FBXO47: variants seen among roughly 807,000 people sequenced by gnomAD.
The protein encoded by FBXO47 is F-box only protein 47.
Under a neutral mutation model 53.9 loss-of-function variants are expected in FBXO47, and 34 were observed. That is an observed-to-expected ratio of 0.63 (90% CI 0.48 to 0.84). The LOEUF is 0.84. FBXO47 is among the 40% of genes least tolerant of loss of function. FBXO47 has a pLI of 0.00. For missense variants in FBXO47, 485 were observed against 541.3 expected (o/e 0.90, Z 1.03); for synonymous variants, 165 against 181.6 (o/e 0.91, Z 0.73).
intron 3 of FBXO47, among the ~76,000 whole-genome samples, chr17:38,959,624 TTGTG>T (rs34354922): frequency 4.2e-4 from 53 of 126,226 alleles, no homozygotes; most frequent in South Asian, 1.9e-3. Flanking sequence ...CTTCAAAGCA[TTGTG>T]TGTGTGTGTG....
At chr17:38,951,751 C>G (rs988858349) in intron 5 of FBXO47, 62 bp from the exon 6 acceptor site, 1 of 1,299,424 alleles carries the variant, frequency 7.7e-7, no homozygotes, top group Non-Finnish European at 1.1e-6. Flanking sequence ...ATAAGTCACA[C>G]CAGGCATGGT....
At chr17:38,943,265 T>C (rs1904590404) in intron 8 of FBXO47, among the ~76,000 whole-genome samples, 1 of 152,136 alleles carries the variant, frequency 6.6e-6, no homozygotes, top group Non-Finnish European at 1.5e-5. Context: ...CACCTTTCCT[T>C]TACTCACAGA....
chr17:38,964,959 A>C (rs1388928234), intron 1 of FBXO47, among the ~76,000 whole-genome samples: 1 of 151,950 alleles, frequency 6.6e-6, no homozygotes, highest in East Asian at 1.9e-4. Flanking sequence ...CTGGGATTAC[A>C]GGCGTGTGCC....
chr17:38,965,012 G>A (rs946596952), intron 1 of FBXO47, among the ~76,000 whole-genome samples: 1 of 151,926 alleles, frequency 6.6e-6, no homozygotes, highest in Non-Finnish European at 1.5e-5. Flanking sequence ...ACCACACTCA[G>A]CTAATTTCTG....
rs1261415728 is a variant in FBXO47 at position 38,961,922 on chromosome 17, C to T, written c.307G>A (p.Asp103Asn). ...AGTATAGCAGAGTCTTGTCTCCTGT[C>T]AGGCAGCTCAAGGTTATGAAAGTCC... ...LQDFHNLELP[D>N]RRQDSAILEH... is the part of the protein sequence containing the mutation. The change falls in exon 3 of 11, where the codon GAC becomes AAC. Residue 103 changes from aspartate to asparagine, a missense_variant. Physicochemically the swap from Asp to Asn is conservative, Grantham distance 23. Coordinates refer to ENST00000378079, the MANE Select transcript of FBXO47 (RefSeq NM_001008777.3). 6.2e-7 allele frequency: 1 copy of T among 1,614,056 alleles called. No individual in the cohort carries two copies. The highest frequency in any genetic ancestry group is 1.6e-4 in the Middle Eastern group (1 of 6,062).
chr17:38,956,475 C>T (rs1279634533), intron 4 of FBXO47, among the ~76,000 whole-genome samples: 2 of 151,702 alleles, frequency 1.3e-5, no homozygotes, highest in African/African-American at 4.8e-5. Flanking sequence ...GTAATCCCAG[C>T]TACTCAGGAG....
chr17:38,952,927 T>TAA (rs1288666039), intron 5 of FBXO47, among the ~76,000 whole-genome samples: 2 of 151,028 alleles, frequency 1.3e-5, no homozygotes, highest in Admixed American at 1.3e-4. Context: ...GTGCTGGAAT[T>TAA]ACAGGTGTGA....
chr17:38,946,351 AAT>A (rs1491266439), intron 6 of FBXO47, among the ~76,000 whole-genome samples: 6 of 46,266 alleles, frequency 1.3e-4, no homozygotes, highest in African/African-American at 1.9e-4. Context: ...TAAATATATA[AAT>A]ATATATAAAT....
At chr17:38,958,565 G>A (rs528838009) in intron 3 of FBXO47, among the ~76,000 whole-genome samples, 14 of 151,578 alleles carry the variant, frequency 9.2e-5, no homozygotes, top group African/African-American at 2.7e-4. Flanking sequence ...AACTTTAAAC[G>A]TTCTATTTTC....
chr17:38,966,029 G>A (rs1369204252), intron 1 of FBXO47, among the ~76,000 whole-genome samples: 1 of 151,988 alleles, frequency 6.6e-6, no homozygotes, highest in Non-Finnish European at 1.5e-5. Flanking sequence ...AAAAAAGAGG[G>A]ATCACTATAT....
chr17:38,944,790 G>A (rs187949420), intron 7 of FBXO47, among the ~76,000 whole-genome samples, 170 bp downstream of exon 7: 2 of 151,320 alleles, frequency 1.3e-5, no homozygotes, highest in East Asian at 2.0e-4. Context: ...AGAATCGCTT[G>A]AACCCGGGAG....
At chr17:38,951,450 T>C (rs1167084937) in intron 6 of FBXO47, 131 bp downstream of exon 6, 2 of 614,104 alleles carry the variant, frequency 3.3e-6, no homozygotes, top group Non-Finnish European at 5.4e-6. Context: ...CACCTTGGCT[T>C]CCCAAAGTGC....
intron 9 of FBXO47, 151 bp from the exon 10 acceptor site, chr17:38,938,883 TTCTA>T: frequency 3.5e-6 from 2 of 565,324 alleles, no homozygotes; most frequent in Admixed American, 3.1e-5. Flanking sequence ...GGAAATGCTC[TTCTA>T]TCTAATACTA....
At chr17:38,964,694 CAATAAT>C (rs374278294) in intron 1 of FBXO47, among the ~76,000 whole-genome samples, 3 of 151,742 alleles carry the variant, frequency 2.0e-5, no homozygotes, top group African/African-American at 4.9e-5. Flanking sequence ...CAAAAAATAA[CAATAAT>C]AATAATAGTC....
At chr17:38,960,880 C>T (rs1905785237) in intron 3 of FBXO47, among the ~76,000 whole-genome samples, 1 of 152,086 alleles carries the variant, frequency 6.6e-6, no homozygotes, top group Non-Finnish European at 1.5e-5. Context: ...GATCTGCCTG[C>T]CTCGGCCTCT....
At chr17:38,955,051 T>G (rs1247389618) in intron 4 of FBXO47, 118 bp from the exon 5 acceptor site, 17 of 722,478 alleles carry the variant, frequency 2.4e-5, no homozygotes. Flanking sequence ...TCAGCACCTA[T>G]TCTGATCAAC....
chr17:38,967,168 T>G (rs993841372), intron 1 of FBXO47, 61 bp downstream of exon 1: 9 of 152,070 alleles, frequency 5.9e-5, no homozygotes, highest in African/African-American at 1.9e-4. Flanking sequence ...TTTCGCTCCC[T>G]TCAGTCCATG....
chr17:38,945,990 T>TATAAATATATATAAATAC (rs1427301133), intron 6 of FBXO47, among the ~76,000 whole-genome samples: 2 of 133,124 alleles, frequency 1.5e-5, no homozygotes, highest in African/African-American at 2.8e-5. Context: ...TATACAAATA[T>TATAAATATATATAAATAC]ATAAATATAT....
chr17:38,946,181 TATAA>T (rs1183822540), intron 6 of FBXO47, among the ~76,000 whole-genome samples: 4 of 113,756 alleles, frequency 3.5e-5, no homozygotes, highest in African/African-American at 1.4e-4. Context: ...TAAAAATATA[TATAA>T]ATATATAAAA....
Sources: gnomAD v4.1 joint callset for allele counts (sites outside exome capture counted in the v4.1 genomes callset) on GRCh38, gnomAD v4.1.1 for gene constraint, MANE v1.5 for transcripts, NCBI Gene and HGNC (gene_info 2026-07-23, HGNC 2026-07-21) for gene names.